Variants in AGO3 observed in about 807,000 individuals in gnomAD.
The protein encoded by AGO3 is protein argonaute-3.
AGO3 carries 16 observed loss-of-function variants against 105.5 expected under a neutral mutation model. The observed-to-expected ratio is 0.15, with a 90% CI of 0.10 to 0.23. The LOEUF (loss-of-function observed/expected upper bound fraction) is 0.23. AGO3 is among the 10% of genes least tolerant of loss of function. AGO3 has a pLI of 1.00. For synonymous variants in AGO3, 340 were observed against 367.3 expected (o/e 0.93, Z 0.85); for missense variants, 534 against 1,088.0 (o/e 0.49, Z 7.16).
At chr1:36,045,312 C>T (rs771493801) in intron 17 of AGO3, among the ~76,000 whole-genome samples, 1 of 152,028 alleles carries the variant, frequency 6.6e-6, no homozygotes. Flanking sequence ...ACCTCTGTCT[C>T]CCAGGTTCAA....
intron 6 of AGO3, among the ~76,000 whole-genome samples, chr1:36,007,419 G>A (rs1040845414): frequency 2.0e-5 from 3 of 152,084 alleles, no homozygotes; most frequent in Non-Finnish European, 2.9e-5. Flanking sequence ...AATAAAGGCC[G>A]GGCGTGGTGG....
At chr1:36,016,591 C>T (rs1401004440) in intron 11 of AGO3, among the ~76,000 whole-genome samples, 1 of 151,908 alleles carries the variant, frequency 6.6e-6, no homozygotes, top group Admixed American at 6.6e-5. Context: ...TGATCTATCC[C>T]CCCAATTTTT....
intron 1 of AGO3, among the ~76,000 whole-genome samples, chr1:35,942,922 GTTTC>G (rs1436679995): frequency 6.6e-6 from 1 of 151,846 alleles, no homozygotes; most frequent in Admixed American, 6.6e-5. Context: ...TCTACTTCCT[GTTTC>G]TTATGAAATT....
At chr1:36,022,920 TC>T (rs1641307714) in intron 11 of AGO3, among the ~76,000 whole-genome samples, 155 of 124,580 alleles carry the variant, frequency 1.2e-3, no homozygotes, top group Non-Finnish European at 1.7e-3. Context: ...AGACTCCGTC[TC>T]AAAAAAAAAA....
Position 36,064,706 on chromosome 1 carries a change from G to C in AGO3, c.*8961G>C, listed in dbSNP as rs1431004055. The C allele has an allele frequency of 6.6e-6, 1 of 152,190 alleles. No homozygotes were observed. Among genetic ancestry groups the C allele is most frequent in the Admixed American group, 6.5e-5 (1 of 15,272 alleles). The allele number at this position is 152,190 out of a possible 1,614,324, so 9.4% of individuals were successfully genotyped here. A position where few individuals can be genotyped will look rare whatever the true frequency, so the allele number is the denominator to read the frequency against. Reference sequence around the variant, plus strand: ...ATAGATCAGCATGTGATTTCTTGTAGAGATTAGCCATTTCATTTCTTTTTG... The same window carrying C: ...ATAGATCAGCATGTGATTTCTTGTACAGATTAGCCATTTCATTTCTTTTTG... On this transcript the variant is annotated 3_prime_UTR_variant, in exon 19 of 19. Coordinates refer to ENST00000373191, the MANE Select transcript of AGO3 (RefSeq NM_024852.4).
In AGO3 at chr1:36,039,820, A is replaced by C; in HGVS notation, c.1873A>C (p.Arg625=). The part of the protein sequence containing the change: ...VVGSMDAHPS[R]YCATVRVQRP... Reference sequence around the variant, plus strand: ...AGGTAGTATGGATGCACACCCAAGCAGATACTGTGCCACAGTAAGAGTTCA... The same window carrying C: ...AGGTAGTATGGATGCACACCCAAGCCGATACTGTGCCACAGTAAGAGTTCA... The change falls in exon 15 of 19, where the codon AGA becomes CGA. Residue 625 remains arginine (R), a synonymous_variant. Coordinates refer to ENST00000373191, the MANE Select transcript of AGO3 (RefSeq NM_024852.4). The C allele has an allele frequency of 6.2e-7, 1 of 1,610,814 alleles. No homozygotes were observed. Among genetic ancestry groups the C allele is most frequent in the Non-Finnish European group, 8.5e-7 (1 of 1,178,452 alleles).
In AGO3 at chr1:36,070,233, G is replaced by A. The variant is rs890157703; in HGVS notation, c.*14488G>A. On this transcript the variant is annotated 3_prime_UTR_variant, in exon 19 of 19. Transcript: ENST00000373191. ...TTTGAAGAAGAGGGTTAGATTTTAA[G>A]AAAGAAAGTGTGCTTATTTCACTCA... 38 of 152,270 alleles carry A rather than the reference G, an allele frequency of 2.5e-4. No individual in the cohort carries two copies. The highest frequency in any genetic ancestry group is 9.1e-4 in the African/African-American group (38 of 41,548). The allele number at this position is 152,270 out of a possible 1,614,324, so 9.4% of individuals were successfully genotyped here. A position where few individuals can be genotyped will look rare whatever the true frequency, so the allele number is the denominator to read the frequency against.
At chr1:35,995,947 G>T (rs1045920166) in intron 5 of AGO3, among the ~76,000 whole-genome samples, 1 of 152,072 alleles carries the variant, frequency 6.6e-6, no homozygotes, top group Non-Finnish European at 1.5e-5. Flanking sequence ...CCAAAGTGCT[G>T]GGATTACAGG....
Position 36,004,508 on chromosome 1 carries a change from A to G in AGO3, c.793+33A>G, listed in dbSNP as rs372029316. 1.3e-4 allele frequency: 205 copies of G among 1,539,832 alleles called. No homozygotes were observed. The African/African-American group carries it at 2.7e-3, about 20-fold the overall frequency. Reference sequence around the variant, plus strand: ...AATTAGCATTTAGCACAACTTAACTATAAAATGCATGGATATAACAACCTT... The same window carrying G: ...AATTAGCATTTAGCACAACTTAACTGTAAAATGCATGGATATAACAACCTT... On this transcript the variant is annotated intron_variant, in intron 6 of 18. Transcript: ENST00000373191.
intron 11 of AGO3, among the ~76,000 whole-genome samples, chr1:36,024,087 T>C (rs1641374617): frequency 6.6e-6 from 1 of 152,052 alleles, no homozygotes; most frequent in Non-Finnish European, 1.5e-5. Flanking sequence ...GCTTAGCAAG[T>C]TCAATGGTCT....
rs962713350 is a variant in AGO3, at chr1:36,061,458, C to T, written c.*5713C>T. On this transcript the variant is annotated 3_prime_UTR_variant, in exon 19 of 19. Coordinates refer to ENST00000373191, the MANE Select transcript of AGO3 (RefSeq NM_024852.4). The stretch of plus-strand genomic sequence containing the variant: ...GATTAAATCTCAAGAATCTTTTGTT[C>T]TTAAAATATGGAAGTTAAAGATTTT... The T allele has an allele frequency of 2.0e-5, 3 of 151,976 alleles. No individual in the cohort carries two copies. Among genetic ancestry groups the T allele is most frequent in the African/African-American group, 7.3e-5 (3 of 41,366 alleles). 9.4% of individuals were successfully genotyped at this position (151,976 alleles called of 1,614,324 possible). A position where few individuals can be genotyped will look rare whatever the true frequency, so the allele number is the denominator to read the frequency against.
At chr1:36,054,282 T>C (rs1642840012) in intron 17 of AGO3, among the ~76,000 whole-genome samples, 1 of 152,164 alleles carries the variant, frequency 6.6e-6, no homozygotes, top group Non-Finnish European at 1.5e-5. Context: ...TTTCATTTAT[T>C]TATTTATTGA....
chr1:35,970,501 A>G (rs746151731), intron 3 of AGO3, among the ~76,000 whole-genome samples: 5 of 152,182 alleles, frequency 3.3e-5, no homozygotes, highest in Admixed American at 6.5e-5. Context: ...AAACAAACCT[A>G]CTAATGATTC....
chr1:35,965,506 A>T (rs962309909), intron 2 of AGO3, among the ~76,000 whole-genome samples: 1 of 150,590 alleles, frequency 6.6e-6, no homozygotes, highest in Non-Finnish European at 1.5e-5. Flanking sequence ...AAAAAAAAAA[A>T]AAGAAAAAGA....
intron 5 of AGO3, among the ~76,000 whole-genome samples, chr1:35,978,325 G>A (rs574158868): frequency 2.0e-5 from 3 of 152,198 alleles, no homozygotes; most frequent in Admixed American, 1.3e-4. Flanking sequence ...AAGTAGCTGG[G>A]ATTACAGGTG....
chr1:36,043,638 A>C (rs1642342112), intron 17 of AGO3, 90 bp downstream of exon 17: 13 of 1,063,074 alleles, frequency 1.2e-5, no homozygotes, highest in Non-Finnish European at 1.6e-5. Context: ...ATAAAGAAAT[A>C]CTCTTTGCAT....
In AGO3 at chr1:36,014,627, C is replaced by T. The variant is rs61063454; in HGVS notation, c.1406+579C>T. On this transcript the variant is annotated intron_variant, in intron 11 of 18. Coordinates refer to ENST00000373191, the MANE Select transcript of AGO3 (RefSeq NM_024852.4). Reference sequence around the variant, plus strand: ...TGTACTAAAAATACAAAAAATTAGCCAGGCGTGGTGGTGGGCGCCTGTAGT... The same window carrying T: ...TGTACTAAAAATACAAAAAATTAGCTAGGCGTGGTGGTGGGCGCCTGTAGT... 2.0e-4 allele frequency among the ~76,000 whole-genome samples: 30 copies of T among 151,622 alleles called. 1 individual carries two copies. In the East Asian group the frequency reaches 5.7e-3, roughly 29 times the overall value.
intron 1 of AGO3, among the ~76,000 whole-genome samples, chr1:35,937,719 C>T (rs139610754): frequency 4.5e-4 from 68 of 152,158 alleles, no homozygotes; most frequent in African/African-American, 1.5e-3. Flanking sequence ...TCCCATACTG[C>T]CACCTGATAA....
intron 5 of AGO3, 106 bp downstream of exon 5, chr1:35,973,617 T>G: frequency 1.7e-6 from 2 of 1,206,586 alleles, no homozygotes; most frequent in Non-Finnish European, 2.2e-6. Context: ...GAAGTAATAT[T>G]TGGACATGTA....
Sources: gnomAD v4.1 joint callset for allele counts (sites outside exome capture counted in the v4.1 genomes callset) on GRCh38, gnomAD v4.1.1 for gene constraint, MANE v1.5 for transcripts, NCBI Gene and HGNC (gene_info 2026-07-23, HGNC 2026-07-21) for gene names.